Variants in ETV6 observed in about 807,000 individuals in gnomAD.
ETV6 encodes transcription factor ETV6.
Under a neutral mutation model 51.1 loss-of-function variants are expected in ETV6, and 16 were observed. The ratio of observed to expected loss-of-function variants is 0.31; its 90% CI spans 0.21 to 0.48. The LOEUF (loss-of-function observed/expected upper bound fraction) is 0.48. ETV6 is among the 20% of genes least tolerant of loss of function. The pLI is 0.99. For missense variants in ETV6, 458 were observed against 594.8 expected, an observed-to-expected ratio of 0.77 and a Z score of 2.39; for synonymous variants, 240 against 224.1, an observed-to-expected ratio of 1.07 and a Z score of -0.64.
At chr12:11,878,892 G>A (rs1282729264) in intron 5 of ETV6, among the ~76,000 whole-genome samples, 1 of 150,648 alleles carries the variant, frequency 6.6e-6, no homozygotes, top group African/African-American at 2.4e-5. Flanking sequence ...TCTCTAAGCA[G>A]GGTTTCTCAA....
chr12:11,725,549 C>G (rs1020676068), intron 1 of ETV6, among the ~76,000 whole-genome samples: 1 of 152,170 alleles, frequency 6.6e-6, no homozygotes, highest in Non-Finnish European at 1.5e-5. Flanking sequence ...TACATGTACA[C>G]TCATCTGTAT....
chr12:11,700,965 A>G (rs564340632), intron 1 of ETV6, among the ~76,000 whole-genome samples: 84 of 152,294 alleles, frequency 5.5e-4, no homozygotes, highest in African/African-American at 1.9e-3. Context: ...CTTTAGTTCT[A>G]AAACTTCCAT....
intron 2 of ETV6, among the ~76,000 whole-genome samples, chr12:11,815,544 A>G (rs1339021681): frequency 6.6e-6 from 1 of 152,236 alleles, no homozygotes; most frequent in Admixed American, 6.5e-5. Flanking sequence ...TGATCAAGCC[A>G]TTTAGCCCCG....
chr12:11,749,712 A>G, intron 1 of ETV6, among the ~76,000 whole-genome samples: 1 of 152,202 alleles, frequency 6.6e-6, no homozygotes, highest in Non-Finnish European at 1.5e-5. Context: ...GAGTCTCTGT[A>G]GTGTGGGATT....
At chr12:11,752,368 AC>A in intron 1 of ETV6, 81 bp from the exon 2 acceptor site, 1 of 1,496,152 alleles carries the variant, frequency 6.7e-7, no homozygotes, top group East Asian at 2.3e-5. Context: ...TTTGCTCCCC[AC>A]CCCGAGATGG....
chr12:11,681,010 C>T (rs993956779), intron 1 of ETV6, among the ~76,000 whole-genome samples: 2 of 152,138 alleles, frequency 1.3e-5, no homozygotes, highest in African/African-American at 4.8e-5. Flanking sequence ...GTGCTCAAAG[C>T]CTGGTCGACA....
At chr12:11,755,552 C>G (rs1207808953) in intron 2 of ETV6, among the ~76,000 whole-genome samples, 1 of 152,176 alleles carries the variant, frequency 6.6e-6, no homozygotes, top group African/African-American at 2.4e-5. Context: ...TTTCAGGGTT[C>G]TGCTGCTTGT....
intron 2 of ETV6, among the ~76,000 whole-genome samples, chr12:11,816,600 C>T (rs1945998012): frequency 6.6e-6 from 1 of 152,138 alleles, no homozygotes; most frequent in Non-Finnish European, 1.5e-5. Flanking sequence ...GCTCTCTGAT[C>T]CTTTTAGTTT....
intron 1 of ETV6, among the ~76,000 whole-genome samples, chr12:11,729,568 T>G (rs944563835): frequency 3.3e-5 from 5 of 152,186 alleles, no homozygotes; most frequent in African/African-American, 1.2e-4. Flanking sequence ...CCCTGTCCTG[T>G]TTGGTATGAC....
chr12:11,695,305 G>T (rs1391538285), intron 1 of ETV6, among the ~76,000 whole-genome samples: 1 of 152,198 alleles, frequency 6.6e-6, no homozygotes, highest in African/African-American at 2.4e-5. Flanking sequence ...CATGGAGAAA[G>T]TTGGAGCCAA....
intron 1 of ETV6, among the ~76,000 whole-genome samples, chr12:11,694,104 T>C (rs1864826058): frequency 6.6e-6 from 1 of 152,248 alleles, no homozygotes; most frequent in Non-Finnish European, 1.5e-5. Flanking sequence ...GGGTATTATA[T>C]GTTGGATGGC....
chr12:11,845,524 C>A (rs1946448325), intron 3 of ETV6, among the ~76,000 whole-genome samples: 1 of 152,128 alleles, frequency 6.6e-6, no homozygotes, highest in Admixed American at 6.5e-5. Context: ...TTTCCCACAA[C>A]CTGTTCCTTT....
intron 1 of ETV6, among the ~76,000 whole-genome samples, chr12:11,695,641 T>C (rs1280668682): frequency 6.6e-6 from 1 of 152,122 alleles, no homozygotes; most frequent in African/African-American, 2.4e-5. Flanking sequence ...ACATGCAGAG[T>C]CAGATTTTGA....
At chr12:11,778,144 C>A (rs554560181) in intron 2 of ETV6, among the ~76,000 whole-genome samples, 7 of 152,196 alleles carry the variant, frequency 4.6e-5, no homozygotes, top group Non-Finnish European at 7.3e-5. Flanking sequence ...GTCTCAGGGT[C>A]GCAGTTTCCT....
intron 2 of ETV6, among the ~76,000 whole-genome samples, chr12:11,775,719 G>C (rs1269528968): frequency 1.3e-5 from 2 of 152,160 alleles, no homozygotes; most frequent in Non-Finnish European, 2.9e-5. Flanking sequence ...AAGTTTTCCT[G>C]TCGGGTGAGC....
At chr12:11,825,844 T>G (rs1364030204) in intron 2 of ETV6, 2 of 151,474 alleles carry the variant, frequency 1.3e-5, no homozygotes, top group Non-Finnish European at 2.9e-5. Context: ...TTTTTTTTTT[T>G]TTTTTTTTTT....
At chr12:11,877,266 T>C (rs1390677483) in intron 5 of ETV6, among the ~76,000 whole-genome samples, 3 of 151,984 alleles carry the variant, frequency 2.0e-5, no homozygotes, top group Non-Finnish European at 4.4e-5. Flanking sequence ...CAGTGTTTAA[T>C]GCTGCTGTGA....
At chr12:11,659,629 A>G (rs190168776) in intron 1 of ETV6, among the ~76,000 whole-genome samples, 121 of 152,362 alleles carry the variant, frequency 7.9e-4, no homozygotes, top group Admixed American at 1.6e-3. Flanking sequence ...TAAGATTGCC[A>G]TAACCAAAGA....
Position 11,824,709 on chromosome 12 carries a change from T to G in ETV6, c.164-14431T>G, listed in dbSNP as rs576135470. The stretch of plus-strand genomic sequence containing the variant: ...CAGGATTGAACCCTGGAGGCGGAAG[T>G]TGCTGTGAGCCTAGATCGCGCTAAT... On this transcript the variant is annotated intron_variant, in intron 2 of 7. Coordinates refer to ENST00000396373, the MANE Select transcript of ETV6 (RefSeq NM_001987.5). Among the ~76,000 whole-genome samples the G allele has an allele frequency of 1.5e-3, 233 of 152,260 alleles. 1 individual carries two copies. Among genetic ancestry groups the G allele is most frequent in the African/African-American group, 5.4e-3 (223 of 41,546 alleles).
Sources: allele counts gnomAD v4.1 joint callset (sites outside exome capture counted in the v4.1 genomes callset), GRCh38; gene constraint gnomAD v4.1.1; transcripts MANE v1.5; gene names NCBI Gene and HGNC (gene_info 2026-07-23, HGNC 2026-07-21).